ACCSL: variants seen among roughly 807,000 people sequenced by gnomAD.
The protein encoded by ACCSL is probable inactive 1-aminocyclopropane-1-carboxylate synthase-like protein 2.
Under a neutral mutation model 61.7 loss-of-function variants are expected in ACCSL, and 55 were observed. The observed-to-expected ratio is 0.89, with a 90% confidence interval of 0.72 to 1.12. ACCSL has a LOEUF of 1.12. Among genes scored for constraint, ACCSL ranks in the 50% most tolerant of loss-of-function variants. The pLI, the probability that ACCSL is intolerant of heterozygous loss-of-function variation, is 0.00. For missense variants in ACCSL, 632 were observed against 698.0 expected (o/e 0.91, Z 1.07); for synonymous variants, 258 against 264.3 (o/e 0.98, Z 0.23).
chr11:43,960,654 G>A, the ACCSL span, among the ~76,000 whole-genome samples: 2 of 152,122 alleles, frequency 1.3e-5, no homozygotes, highest in African/African-American at 2.4e-5. Context: ...CAAAGTGCTG[G>A]GCTTACAGGC....
the ACCSL span, among the ~76,000 whole-genome samples, chr11:43,959,834 C>T: frequency 6.6e-6 from 1 of 152,158 alleles, no homozygotes; most frequent in Non-Finnish European, 1.5e-5. Flanking sequence ...ACAGCACCCC[C>T]ACCCCATTCC....
Position 44,048,245 on chromosome 11 carries a change from TTCTGAG to T in ACCSL, c.212_217del (p.Leu71_Ser72del), listed in dbSNP as rs2134763581. 6.2e-7 allele frequency: 1 copy of T among 1,614,172 alleles called. No individual in the cohort carries two copies. Among genetic ancestry groups the T allele is most frequent in the East Asian group, 2.2e-5 (1 of 44,866 alleles). On this transcript the variant is annotated inframe_deletion, in exon 1 of 14. Coordinates refer to ENST00000378832, the MANE Select transcript of ACCSL (RefSeq NM_001031854.2). Reference sequence around the variant, plus strand: ...GAGGCCATCTGTGAGCATGAAGCCCTTCTGAGTCGCTTAATATGCCGGATGATCAAC... The same window carrying T: ...GAGGCCATCTGTGAGCATGAAGCCCTTCGCTTAATATGCCGGATGATCAAC...
At chr11:44,011,522 G>A in the ACCSL span, among the ~76,000 whole-genome samples, 1 of 152,308 alleles carries the variant, frequency 6.6e-6, no homozygotes, top group African/African-American at 2.4e-5. Flanking sequence ...GACCTATTCT[G>A]ACACTTACTC....
chr11:44,058,238 G>A, intron 11 of ACCSL, 79 bp from the exon 12 acceptor site: 1 of 1,497,318 alleles, frequency 6.7e-7, no homozygotes, highest in Non-Finnish European at 9.2e-7. Flanking sequence ...TGAAGCCCAG[G>A]AAGGGAGCAT....
the ACCSL span, among the ~76,000 whole-genome samples, chr11:43,961,954 T>A: frequency 6.6e-6 from 1 of 152,232 alleles, no homozygotes; most frequent in East Asian, 1.9e-4. Flanking sequence ...TTTGAGCCCC[T>A]ATGCTCAGGG....
chr11:43,953,038 T>A, the ACCSL span, among the ~76,000 whole-genome samples: 1 of 152,164 alleles, frequency 6.6e-6, no homozygotes, highest in East Asian at 1.9e-4. Flanking sequence ...TGGACATTTT[T>A]ATTGTGGTTT....
At chr11:43,950,292 C>G in the ACCSL span, among the ~76,000 whole-genome samples, 8 of 152,194 alleles carry the variant, frequency 5.3e-5, no homozygotes, top group African/African-American at 1.9e-4. Flanking sequence ...TTGTCAGAAC[C>G]TCCTAAGGCT....
the ACCSL span, among the ~76,000 whole-genome samples, chr11:43,959,433 C>G: frequency 6.6e-6 from 1 of 152,234 alleles, no homozygotes; most frequent in African/African-American, 2.4e-5. Flanking sequence ...CCTTCCAAAC[C>G]AGTGCATTCC....
upstream of ACCSL, among the ~76,000 whole-genome samples, chr11:44,043,048 A>G (rs979939543): frequency 1.3e-5 from 2 of 149,346 alleles, no homozygotes; most frequent in Non-Finnish European, 1.5e-5. Context: ...GCACCATTGC[A>G]CTCCAGTCTC....
chr11:43,964,742 C>T, the ACCSL span, among the ~76,000 whole-genome samples: 71,589 of 151,958 alleles, frequency 0.47, 17,218 homozygotes, highest in Middle Eastern at 0.56. Context: ...AAGGATTATA[C>T]ACCATGACTG....
At chr11:43,956,115 A>C in the ACCSL span, among the ~76,000 whole-genome samples, 2 of 150,312 alleles carry the variant, frequency 1.3e-5, no homozygotes, top group African/African-American at 4.9e-5. Context: ...AAAGGAAATG[A>C]GGTACAGAAA....
chr11:43,945,317 G>A, the ACCSL span: 6 of 152,312 alleles, frequency 3.9e-5, no homozygotes, highest in Non-Finnish European at 8.8e-5. Context: ...CACGGAGTGG[G>A]AGGAACTTCC....
the ACCSL span, among the ~76,000 whole-genome samples, chr11:43,937,153 G>A: frequency 6.6e-6 from 1 of 152,286 alleles, no homozygotes; most frequent in South Asian, 2.1e-4. Flanking sequence ...GTCAGGAGCC[G>A]TGGAAGCAGG....
At chr11:43,943,886 T>G in the ACCSL span, 1 of 1,222,590 alleles carries the variant, frequency 8.2e-7, no homozygotes, top group Non-Finnish European at 1.1e-6. This position sits in a 1 kb window ranked among gnomAD's most constrained non-coding sequence, Gnocchi z 4.8. Flanking sequence ...ACAGTGCAGT[T>G]TTCCAGGCTC....
chr11:44,013,915 A>C, the ACCSL span, among the ~76,000 whole-genome samples: 1 of 152,278 alleles, frequency 6.6e-6, no homozygotes, highest in Admixed American at 6.5e-5. Flanking sequence ...CTCCTGCCCC[A>C]GAAACCACCT....
At chr11:44,055,138 C>T (rs984021950) in intron 8 of ACCSL, 64 bp from the exon 9 acceptor site, 1 of 1,166,656 alleles carries the variant, frequency 8.6e-7, no homozygotes, top group Non-Finnish European at 1.3e-6. Context: ...TTGTAAAAAG[C>T]ATGCAAAGAA....
chr11:43,975,904 C>A, the ACCSL span, among the ~76,000 whole-genome samples: 1 of 152,110 alleles, frequency 6.6e-6, no homozygotes, highest in Non-Finnish European at 1.5e-5. Flanking sequence ...ACAACATTTG[C>A]CCAGTCTGGA....
At chr11:44,035,085 G>C in the ACCSL span, among the ~76,000 whole-genome samples, 1 of 152,108 alleles carries the variant, frequency 6.6e-6, no homozygotes, top group African/African-American at 2.4e-5. Flanking sequence ...GATCCATGTA[G>C]GTTCCTCCTT....
At chr11:43,943,232 A>C in the ACCSL span, 1 of 1,524,774 alleles carries the variant, frequency 6.6e-7, no homozygotes, top group Admixed American at 2.1e-5. This position sits in a 1 kb window ranked among gnomAD's most constrained non-coding sequence, Gnocchi z 4.8. Flanking sequence ...CTGCAAACTG[A>C]GGAACAGCCT....
Sources: allele counts gnomAD v4.1 joint callset (sites outside exome capture counted in the v4.1 genomes callset), GRCh38; gene constraint gnomAD v4.1.1; non-coding constraint Gnocchi (gnomAD v3.1); transcripts MANE v1.5; gene names NCBI Gene and HGNC (gene_info 2026-07-23, HGNC 2026-07-21).